The following NCAM1 variants were observed in gnomAD, a reference collection of about 807,000 sequenced individuals.
NCAM1 encodes neural cell adhesion molecule 1.
NCAM1 carries 14 observed loss-of-function variants against 109.8 expected under a neutral mutation model. The ratio of observed to expected loss-of-function variants is 0.13; its 90% confidence interval spans 0.08 to 0.20. The LOEUF is 0.20. NCAM1 is among the 10% of genes least tolerant of loss of function. The pLI is 1.00. For missense variants in NCAM1, 774 were observed against 1,109.9 expected (o/e 0.70, Z 4.30); for synonymous variants, 418 against 442.9 (o/e 0.94, Z 0.70).
chr11:113,214,644 G>T (rs1944476395), intron 8 of NCAM1, 133 bp downstream of exon 8: 1 of 1,007,346 alleles, frequency 9.9e-7, no homozygotes, highest in African/African-American at 1.6e-5. Context: ...AGATCCCGGG[G>T]CCTCCCTCCC....
Position 113,275,321 on chromosome 11 carries a change from G to C in NCAM1, c.2511G>C (p.Ala837=), listed in dbSNP as rs1316000059. 6.2e-7 allele frequency: 1 copy of C among 1,613,672 alleles called. No individual in the cohort carries two copies. Among genetic ancestry groups the C allele is most frequent in the Non-Finnish European group, 8.5e-7 (1 of 1,179,796 alleles). Reference sequence around the variant, plus strand: ...GCCAGGAGACAGAAACGAAGCCAGCGCCAGCCGAAGTCAAGACGGTCCCCA... The same window carrying C: ...GCCAGGAGACAGAAACGAAGCCAGCCCCAGCCGAAGTCAAGACGGTCCCCA... The part of the protein sequence containing the change: ...PECQETETKP[A]PAEVKTVPND... The change falls in exon 20 of 20, where the codon GCG becomes GCC. Residue 837 remains alanine, a synonymous_variant. Coordinates refer to ENST00000316851, the MANE Select transcript of NCAM1 (RefSeq NM_181351.5).
At chr11:113,081,986 TTACAC>T (rs1555087295) in intron 1 of NCAM1, among the ~76,000 whole-genome samples, 1 of 152,220 alleles carries the variant, frequency 6.6e-6, no homozygotes, top group African/African-American at 2.4e-5. Flanking sequence ...CACATTCTCT[TTACAC>T]TATATGCACA....
intron 1 of NCAM1, among the ~76,000 whole-genome samples, chr11:113,051,926 C>T (rs1271599581): frequency 2.6e-5 from 4 of 152,160 alleles, no homozygotes; most frequent in Admixed American, 2.6e-4. Flanking sequence ...ATACCTGTTA[C>T]AGTTTGCCCA....
chr11:113,084,677 G>A (rs2135709546), intron 1 of NCAM1, among the ~76,000 whole-genome samples: 1 of 152,276 alleles, frequency 6.6e-6, no homozygotes, highest in South Asian at 2.1e-4. Context: ...TTGGTGACAA[G>A]GTTATCCTGA....
At chr11:113,237,062 C>A (rs1945188642) in intron 14 of NCAM1, among the ~76,000 whole-genome samples, 1 of 152,210 alleles carries the variant, frequency 6.6e-6, no homozygotes, top group Non-Finnish European at 1.5e-5. Context: ...TTCTGCCATG[C>A]ATGCTAGGGA....
rs782065926 is a variant in NCAM1, at chr11:113,275,418, TAA to T, written c.*35_*36del. On this transcript the variant is annotated 3_prime_UTR_variant, in exon 20 of 20. Coordinates refer to ENST00000316851, the MANE Select transcript of NCAM1 (RefSeq NM_181351.5). ...GAAGAGAACCGAGCAAAGATCAAAATAAAAAGTGACACAGCAGCTTCACCAGA... is the reference window on the plus strand; with the variant it reads ...GAAGAGAACCGAGCAAAGATCAAAATAAAGTGACACAGCAGCTTCACCAGA... The T allele has an allele frequency of 2.5e-6, 4 of 1,600,430 alleles. No homozygotes were observed. Among genetic ancestry groups the T allele is most frequent in the South Asian group, 1.1e-5 (1 of 89,090 alleles).
intron 1 of NCAM1, among the ~76,000 whole-genome samples, chr11:113,172,245 G>T (rs1404666721): frequency 6.6e-6 from 1 of 152,198 alleles, no homozygotes; most frequent in African/African-American, 2.4e-5. Flanking sequence ...AGCCCAGGCT[G>T]GGTGGTGGTA....
At chr11:113,009,110 A>G (rs1951965733) in intron 1 of NCAM1, among the ~76,000 whole-genome samples, 1 of 152,074 alleles carries the variant, frequency 6.6e-6, no homozygotes, top group African/African-American at 2.4e-5. Flanking sequence ...TTTCTGACGG[A>G]AACTCATAGA....
intron 1 of NCAM1, among the ~76,000 whole-genome samples, chr11:113,179,206 A>G (rs1476374139): frequency 2.0e-5 from 3 of 152,232 alleles, no homozygotes; most frequent in African/African-American, 7.2e-5. Context: ...AGAAACTGTC[A>G]TATACTTTTT....
chr11:113,123,891 G>A (rs1444766216), intron 1 of NCAM1, among the ~76,000 whole-genome samples: 1 of 152,126 alleles, frequency 6.6e-6, no homozygotes, highest in African/African-American at 2.4e-5. Context: ...GCTCATCCTA[G>A]CCTTTGCTAG....
intron 1 of NCAM1, among the ~76,000 whole-genome samples, chr11:113,140,206 A>G (rs782394298): frequency 3.9e-5 from 6 of 152,212 alleles, no homozygotes; most frequent in Non-Finnish European, 7.3e-5. Flanking sequence ...TGCTCCTCAT[A>G]TCATCCAGAC....
intron 1 of NCAM1, among the ~76,000 whole-genome samples, chr11:112,982,534 G>T (rs148209520): frequency 6.6e-6 from 1 of 151,778 alleles, no homozygotes; most frequent in Admixed American, 6.6e-5. Context: ...CAGTAGTCAG[G>T]GGGTAGGAGG....
At chr11:113,127,265 A>G (rs1941216002) in intron 1 of NCAM1, among the ~76,000 whole-genome samples, 1 of 152,336 alleles carries the variant, frequency 6.6e-6, no homozygotes, top group Admixed American at 6.5e-5. Flanking sequence ...TCTTTTGGAC[A>G]GACACTGCCG....
chr11:113,078,522 T>C (rs942210827), intron 1 of NCAM1, among the ~76,000 whole-genome samples: 19 of 152,266 alleles, frequency 1.2e-4, no homozygotes, highest in Middle Eastern at 3.4e-3. Context: ...ATAGTAACTA[T>C]AGAAAGCTTT....
chr11:112,990,877 C>T (rs981445023), intron 1 of NCAM1, among the ~76,000 whole-genome samples: 13 of 152,180 alleles, frequency 8.5e-5, no homozygotes, highest in Admixed American at 6.5e-4. Context: ...ATTTTCTCCA[C>T]TCCATTTTAT....
At chr11:113,111,728 T>G (rs1179565087) in intron 1 of NCAM1, among the ~76,000 whole-genome samples, 1 of 152,202 alleles carries the variant, frequency 6.6e-6, no homozygotes, top group Non-Finnish European at 1.5e-5. Flanking sequence ...CCTCCACACA[T>G]TTTTCTATGA....
At chr11:113,108,185 T>C (rs1555092927) in intron 1 of NCAM1, among the ~76,000 whole-genome samples, 1 of 152,206 alleles carries the variant, frequency 6.6e-6, no homozygotes, top group Non-Finnish European at 1.5e-5. Context: ...TGCATAACTT[T>C]TAATAATACA....
intron 1 of NCAM1, among the ~76,000 whole-genome samples, chr11:113,179,365 G>T (rs982379445): frequency 1.3e-5 from 2 of 152,168 alleles, no homozygotes; most frequent in Admixed American, 6.5e-5. Flanking sequence ...CCATTTTCAG[G>T]GTTTGTTTAA....
intron 17 of NCAM1, chr11:113,260,529 A>G (rs1379763939): frequency 3.6e-6 from 2 of 548,378 alleles, no homozygotes; most frequent in Non-Finnish European, 3.1e-6. Context: ...TTGGCCAAGC[A>G]TCCTGGAGAA....
Sources: allele counts gnomAD v4.1 joint callset (sites outside exome capture counted in the v4.1 genomes callset), GRCh38; gene constraint gnomAD v4.1.1; transcripts MANE v1.5; gene names NCBI Gene and HGNC (gene_info 2026-07-23, HGNC 2026-07-21).